SLC26A4: variants seen among roughly 807,000 people sequenced by gnomAD.
SLC26A4 encodes pendrin.
SLC26A4 carries 93 observed loss-of-function variants against 90.4 expected under a neutral mutation model. That is an observed-to-expected ratio of 1.03 (90% confidence interval 0.87 to 1.22). The LOEUF (loss-of-function observed/expected upper bound fraction) is 1.22. Among genes scored for constraint, SLC26A4 ranks in the 50% most tolerant of loss-of-function variants. The probability of loss-of-function intolerance (pLI) is 0.00; values close to 1 mark genes in which losing one functional copy is unlikely to be tolerated. For synonymous variants in SLC26A4, 393 were observed against 354.6 expected (o/e 1.11, Z -1.22); for missense variants, 1,127 against 946.2 (o/e 1.19, Z -2.51).
chr7:107,693,306 C>T (rs767176087), intron 10 of SLC26A4: 48 of 985,212 alleles, frequency 4.9e-5, no homozygotes, highest in African/African-American at 2.8e-4. Context: ...ATACAAAGCA[C>T]GCTTTTTAGT....
intron 13 of SLC26A4, among the ~76,000 whole-genome samples, chr7:107,697,579 C>T (rs1273873075): frequency 6.6e-6 from 1 of 152,178 alleles, no homozygotes. Flanking sequence ...TAAAAAATGA[C>T]TAAGTCACAA....
intron 19 of SLC26A4, among the ~76,000 whole-genome samples, chr7:107,711,239 A>G (rs542600259): frequency 1.3e-5 from 2 of 152,294 alleles, no homozygotes; most frequent in Admixed American, 1.3e-4. Flanking sequence ...ATCCAACTTA[A>G]AATTCTCTAA....
At chr7:107,690,814 C>T (rs1007205971) in intron 10 of SLC26A4, among the ~76,000 whole-genome samples, 1 of 151,962 alleles carries the variant, frequency 6.6e-6, no homozygotes, top group Non-Finnish European at 1.5e-5. Context: ...ATGTGGTTTG[C>T]AGTTGTTGCC....
At chr7:107,672,293 G>A in intron 4 of SLC26A4, 45 bp downstream of exon 4, 1 of 1,273,330 alleles carries the variant, frequency 7.9e-7, no homozygotes, top group Non-Finnish European at 1.1e-6. Flanking sequence ...CATGTTTAAA[G>A]TGTTTTGGCT....
At chr7:107,670,973 GT>G in intron 3 of SLC26A4, among the ~76,000 whole-genome samples, 1 of 152,238 alleles carries the variant, frequency 6.6e-6, no homozygotes, top group South Asian at 2.1e-4. Flanking sequence ...TCAGGGTAGA[GT>G]TGTCTTGTCT....
chr7:107,695,286 A>T (rs1791708142), intron 12 of SLC26A4, among the ~76,000 whole-genome samples: 1 of 152,182 alleles, frequency 6.6e-6, no homozygotes, highest in Non-Finnish European at 1.5e-5. Flanking sequence ...CACAGGCAGA[A>T]ATAAAAGCGG....
Position 107,661,957 on chromosome 7 carries a change from C to T in SLC26A4, c.164+152C>T, listed in dbSNP as rs999459962. 2 of 788,134 alleles carry T rather than the reference C, an allele frequency of 2.5e-6. No individual in the cohort carries two copies. The highest frequency in any genetic ancestry group is 3.5e-5 in the African/African-American group (2 of 56,704). The allele number at this position is 788,134 out of a possible 1,614,324, so 48.8% of individuals were successfully genotyped here. A position where few individuals can be genotyped will look rare whatever the true frequency, so the allele number is the denominator to read the frequency against. ...TCCCAGAGGCCCGACTTTCGGTCTCCGGTCCTCCACGCCGCCCTTCTGGTG... is the reference window on the plus strand; with the variant it reads ...TCCCAGAGGCCCGACTTTCGGTCTCTGGTCCTCCACGCCGCCCTTCTGGTG... On this transcript the variant is annotated intron_variant, in intron 2 of 20. Coordinates refer to ENST00000644269, the MANE Select transcript of SLC26A4 (RefSeq NM_000441.2). The surrounding 1 kb of genome is among the most constrained non-coding windows in gnomAD (Gnocchi z 5.1).
At chr7:107,664,125 A>G (rs1039593703) in intron 3 of SLC26A4, among the ~76,000 whole-genome samples, 2 of 152,172 alleles carry the variant, frequency 1.3e-5, no homozygotes, top group Admixed American at 6.5e-5. Flanking sequence ...TATTATAACA[A>G]TGTGCTAATC....
chr7:107,706,222 C>A (rs1792034105), intron 18 of SLC26A4, among the ~76,000 whole-genome samples: 1 of 152,196 alleles, frequency 6.6e-6, no homozygotes, highest in Non-Finnish European at 1.5e-5. Flanking sequence ...AGTTTGGTCT[C>A]AAACTTGGCC....
intron 8 of SLC26A4, among the ~76,000 whole-genome samples, chr7:107,685,242 T>C (rs1420470838): frequency 6.6e-6 from 1 of 152,152 alleles, no homozygotes; most frequent in African/African-American, 2.4e-5. Context: ...CCCAAGCCTA[T>C]GTCATTATAA....
At position 107,674,269 on chromosome 7, in the gene SLC26A4, C is replaced by T. The variant is rs876658004; in HGVS notation, c.521C>T (p.Thr174Ile). 2.5e-6 allele frequency: 4 copies of T among 1,613,920 alleles called. No homozygotes were observed. The highest frequency in any genetic ancestry group is 2.2e-5 in the East Asian group (1 of 44,890). Residue 174 changes from threonine (T) to isoleucine (I), a missense_variant, in exon 5 of 21, where the codon ACT becomes ATT. Transcript: ENST00000644269. ...SSSNGTVLNT[T>I]MIDTAARDTA... ...AGCAATGGAACTGTATTAAATACTA[C>T]TATGATAGACACTGCAGCTAGAGAT...
At chr7:107,679,796 AAATATAATCTTATATTATTATAT>A (rs1379037450) in intron 6 of SLC26A4, among the ~76,000 whole-genome samples, 6 of 142,030 alleles carry the variant, frequency 4.2e-5, no homozygotes, top group South Asian at 2.1e-4. Flanking sequence ...CTATGTCGTT[AAATATAATCTTATATTATTATAT>A]AATATAATCT....
intron 10 of SLC26A4, among the ~76,000 whole-genome samples, 158 bp downstream of exon 10, chr7:107,690,395 A>T (rs1335762449): frequency 6.6e-6 from 1 of 152,072 alleles, no homozygotes; most frequent in African/African-American, 2.4e-5. Context: ...CCACTCCCTC[A>T]CCTGAAATCT....
Position 107,702,111 on chromosome 7 carries a change from G to T in SLC26A4, c.2034+54G>T, listed in dbSNP as rs1035731543. 13 of 1,163,640 alleles carry T rather than the reference G, an allele frequency of 1.1e-5. No homozygotes were observed. The East Asian group carries it at 3.1e-4, about 27-fold the overall frequency. The allele number at this position is 1,163,640 out of a possible 1,614,324, so 72.1% of individuals were successfully genotyped here. Reference sequence around the variant, plus strand: ...TTTGGAGCTTTGGCAATAGTAAAATGATGTGGGTTGTCCAGTATTGCAACA... The same window carrying T: ...TTTGGAGCTTTGGCAATAGTAAAATTATGTGGGTTGTCCAGTATTGCAACA... On this transcript the variant is annotated intron_variant, in intron 17 of 20. Transcript: ENST00000644269.
chr7:107,706,484 T>A (rs1792040186), intron 18 of SLC26A4, among the ~76,000 whole-genome samples: 1 of 152,142 alleles, frequency 6.6e-6, no homozygotes, highest in African/African-American at 2.4e-5. Context: ...TTGATAGAAA[T>A]TTTGACAAGG....
chr7:107,669,103 A>C (rs997410642), intron 3 of SLC26A4, among the ~76,000 whole-genome samples: 1 of 152,102 alleles, frequency 6.6e-6, no homozygotes, highest in Non-Finnish European at 1.5e-5. Flanking sequence ...AATTACAGGC[A>C]TGTACCAACA....
intron 6 of SLC26A4, among the ~76,000 whole-genome samples, chr7:107,676,968 G>T (rs981046800): frequency 2.0e-5 from 3 of 152,160 alleles, no homozygotes; most frequent in Non-Finnish European, 4.4e-5. Flanking sequence ...GATCCCATGA[G>T]TTCAAGATCA....
Position 107,661,907 on chromosome 7 carries a change from G to T in SLC26A4, c.164+102G>T. On this transcript the variant is annotated intron_variant, in intron 2 of 20. Transcript: ENST00000644269. The surrounding 1 kb of genome is among the most constrained non-coding windows in gnomAD (Gnocchi z 5.1). ...CGGGCGAGAGTGGGGTGCGGGCGGC[G>T]GAGCCCCTGGGCGCCAGCTGCTTCT... is the stretch of plus-strand genomic sequence containing the variant. 1.5e-6 allele frequency: 2 copies of T among 1,310,176 alleles called. No homozygotes were observed. The highest frequency in any genetic ancestry group is 3.0e-5 in the South Asian group (2 of 67,272). 81.2% of individuals were successfully genotyped at this position (1,310,176 alleles called of 1,614,324 possible).
intron 4 of SLC26A4, among the ~76,000 whole-genome samples, chr7:107,673,270 G>C (rs1021612542): frequency 1.3e-5 from 2 of 151,868 alleles, no homozygotes; most frequent in African/African-American, 4.8e-5. Flanking sequence ...GTAGTGAACG[G>C]AGCAATTGCT....
Sources: allele counts gnomAD v4.1 joint callset (sites outside exome capture counted in the v4.1 genomes callset), GRCh38; gene constraint gnomAD v4.1.1; non-coding constraint Gnocchi (gnomAD v3.1); transcripts MANE v1.5; gene names NCBI Gene and HGNC (gene_info 2026-07-23, HGNC 2026-07-21).